PLCB4: variants seen among roughly 807,000 people sequenced by gnomAD.
PLCB4 encodes phospholipase C beta 4.
In PLCB4, 77 loss-of-function variants were observed where a neutral mutation model predicts 178.8. The observed-to-expected ratio is 0.43, with a 90% CI of 0.36 to 0.52. The LOEUF (loss-of-function observed/expected upper bound fraction) is 0.52. Ranked by LOEUF, PLCB4 falls within the 20% of genes least tolerant of loss-of-function variation. The pLI is 0.00. For synonymous variants in PLCB4, 496 were observed against 490.8 expected, an observed-to-expected ratio of 1.01 and a Z score of -0.14; for missense variants, 1,024 against 1,453.4, an observed-to-expected ratio of 0.70 and a Z score of 4.80.
chr20:9,393,858 A>G (rs1309014010), intron 18 of PLCB4, among the ~76,000 whole-genome samples, 180 bp downstream of exon 18: 1 of 152,208 alleles, frequency 6.6e-6, no homozygotes, highest in East Asian at 1.9e-4. Flanking sequence ...TTTCCATATC[A>G]ATTAATTCAT....
At chr20:9,227,876 G>C (rs1041836353) in intron 3 of PLCB4, among the ~76,000 whole-genome samples, 1 of 152,120 alleles carries the variant, frequency 6.6e-6, no homozygotes, top group African/African-American at 2.4e-5. Flanking sequence ...TTGTCCTGCA[G>C]TGATTTTTCA....
intron 3 of PLCB4, among the ~76,000 whole-genome samples, chr20:9,223,747 C>T (rs1330183097): frequency 6.6e-6 from 1 of 152,228 alleles, no homozygotes; most frequent in Non-Finnish European, 1.5e-5. Context: ...ACGTCTATCA[C>T]ATTACAGTAG....
intron 2 of PLCB4, among the ~76,000 whole-genome samples, chr20:9,110,699 A>G (rs1399553379): frequency 6.6e-6 from 1 of 152,172 alleles, no homozygotes; most frequent in African/African-American, 2.4e-5. Context: ...AGATTGCCAG[A>G]TCTTTCTCCT....
At chr20:9,201,294 G>A (rs895715038) in intron 2 of PLCB4, among the ~76,000 whole-genome samples, 2 of 152,102 alleles carry the variant, frequency 1.3e-5, no homozygotes, top group African/African-American at 4.8e-5. Flanking sequence ...ATGTACCTGT[G>A]TGTATAGTAC....
At chr20:9,181,535 C>T (rs2093246213) in intron 2 of PLCB4, among the ~76,000 whole-genome samples, 1 of 152,126 alleles carries the variant, frequency 6.6e-6, no homozygotes, top group African/African-American at 2.4e-5. Context: ...GTCAAGGTGC[C>T]TGCAGATTCC....
At chr20:9,334,502 T>A (rs945503621) in intron 4 of PLCB4, among the ~76,000 whole-genome samples, 1 of 152,120 alleles carries the variant, frequency 6.6e-6, no homozygotes, top group Admixed American at 6.6e-5. Flanking sequence ...CCATTTGAGG[T>A]TTATAATCTT....
At chr20:9,313,366 G>A (rs2094858970) in intron 4 of PLCB4, among the ~76,000 whole-genome samples, 1 of 152,136 alleles carries the variant, frequency 6.6e-6, no homozygotes, top group South Asian at 2.1e-4. Flanking sequence ...GAAATTAGAA[G>A]GGACTTGGAG....
At chr20:9,469,084 G>A (rs1254128345) in intron 36 of PLCB4, among the ~76,000 whole-genome samples, 1 of 151,848 alleles carries the variant, frequency 6.6e-6, no homozygotes, top group Non-Finnish European at 1.5e-5. Flanking sequence ...GGGTTTGAGC[G>A]ATTCTCCTGC....
At chr20:9,251,196 T>C (rs1315840042) in intron 3 of PLCB4, among the ~76,000 whole-genome samples, 1 of 152,214 alleles carries the variant, frequency 6.6e-6, no homozygotes, top group East Asian at 1.9e-4. Flanking sequence ...CTGGTTTTGT[T>C]AGGAGAGCTT....
chr20:9,083,640 G>A (rs1156977964), intron 1 of PLCB4, among the ~76,000 whole-genome samples: 1 of 152,036 alleles, frequency 6.6e-6, no homozygotes, highest in South Asian at 2.1e-4. Flanking sequence ...ACGACCATTC[G>A]ATACTAAGAA....
At chr20:9,154,298 C>T (rs146474110) in intron 2 of PLCB4, among the ~76,000 whole-genome samples, 216 of 152,188 alleles carry the variant, frequency 1.4e-3, no homozygotes, top group Middle Eastern at 6.8e-3. Context: ...TGCAGGAGAG[C>T]CTGGGAAATG....
At chr20:9,151,782 A>G (rs2092696379) in intron 2 of PLCB4, among the ~76,000 whole-genome samples, 2 of 152,214 alleles carry the variant, frequency 1.3e-5, no homozygotes, top group Admixed American at 1.3e-4. Context: ...GGAACTGGGT[A>G]ACAGGCAGAG....
chr20:9,471,635 T>A (rs2044197523), intron 36 of PLCB4, among the ~76,000 whole-genome samples: 1 of 152,170 alleles, frequency 6.6e-6, no homozygotes, highest in South Asian at 2.1e-4. Context: ...GTTATAGGTC[T>A]TTTCACTCAT....
intron 2 of PLCB4, among the ~76,000 whole-genome samples, chr20:9,170,999 T>C (rs1327507472): frequency 6.6e-6 from 1 of 152,208 alleles, no homozygotes; most frequent in Non-Finnish European, 1.5e-5. Context: ...TTGAGTTCTT[T>C]GACGGTACCA....
At chr20:9,103,579 G>T (rs2091259676) in intron 2 of PLCB4, among the ~76,000 whole-genome samples, 1 of 152,014 alleles carries the variant, frequency 6.6e-6, no homozygotes, top group Non-Finnish European at 1.5e-5. Flanking sequence ...AATAATAAAA[G>T]GAAAATAATT....
rs947247386 is a variant in PLCB4 at position 9,217,408 on chromosome 20, G to A, written c.-60G>A. The A allele has an allele frequency of 2.0e-5, 3 of 152,200 alleles. No homozygotes were observed. The highest frequency in any genetic ancestry group is 6.5e-5 in the Admixed American group (1 of 15,280). 9.4% of individuals were successfully genotyped at this position (152,200 alleles called of 1,614,324 possible). A position where few individuals can be genotyped will look rare whatever the true frequency, so the allele number is the denominator to read the frequency against. On this transcript the variant is annotated 5_prime_UTR_variant, in exon 3 of 40. Transcript: ENST00000378473. ...GTTTCAGAGGACAGTGCTGCTGTGA[G>A]TTTGACGAAGTGGACATCACCTGCA...
At chr20:9,316,538 C>T (rs1319560485) in intron 4 of PLCB4, among the ~76,000 whole-genome samples, 1 of 152,174 alleles carries the variant, frequency 6.6e-6, no homozygotes, top group African/African-American at 2.4e-5. Flanking sequence ...CCTTCCTTTT[C>T]CTGACTATGT....
chr20:9,265,386 G>A (rs1234309493), intron 3 of PLCB4, among the ~76,000 whole-genome samples: 1 of 152,146 alleles, frequency 6.6e-6, no homozygotes, highest in African/African-American at 2.4e-5. Flanking sequence ...GGGAGGCTGA[G>A]GCATGAGAAT....
intron 15 of PLCB4, among the ~76,000 whole-genome samples, chr20:9,389,128 G>A (rs578047218): frequency 6.6e-6 from 1 of 152,272 alleles, no homozygotes; most frequent in East Asian, 1.9e-4. Flanking sequence ...CTAAAGCTAA[G>A]CAGAGACGGG....
Sources: gnomAD v4.1 joint callset for allele counts (sites outside exome capture counted in the v4.1 genomes callset) on GRCh38, gnomAD v4.1.1 for gene constraint, MANE v1.5 for transcripts, NCBI Gene and HGNC (gene_info 2026-07-23, HGNC 2026-07-21) for gene names.